Variants in GLYAT observed in about 807,000 individuals in gnomAD.
GLYAT encodes the protein glycine-N-acyltransferase.
In GLYAT, 25 loss-of-function variants were observed where a neutral mutation model predicts 22.8. That is an observed-to-expected ratio of 1.09 (90% CI 0.80 to 1.53). The LOEUF is 1.53. Among genes scored for constraint, GLYAT ranks in the 40% most tolerant of loss-of-function variants. The pLI is 0.00. For missense variants in GLYAT, 411 were observed against 353.9 expected (o/e 1.16, Z -1.29); for synonymous variants, 140 against 122.7 (o/e 1.14, Z -0.93).
intron 1 of GLYAT, among the ~76,000 whole-genome samples, chr11:58,726,231 CCTGA>C (rs1231177607): frequency 3.3e-5 from 5 of 152,086 alleles, no homozygotes; most frequent in Admixed American, 1.3e-4. Context: ...CCTACTCATG[CCTGA>C]CTATCTACCT....
At chr11:58,716,523 G>A (rs1856682513) in intron 2 of GLYAT, among the ~76,000 whole-genome samples, 1 of 152,064 alleles carries the variant, frequency 6.6e-6, no homozygotes, top group African/African-American at 2.4e-5. Context: ...ATTTAGTACA[G>A]TTTTGGCAAA....
At chr11:58,725,765 T>C in intron 1 of GLYAT, among the ~76,000 whole-genome samples, 1 of 152,218 alleles carries the variant, frequency 6.6e-6, no homozygotes, top group African/African-American at 2.4e-5. Context: ...TTGGACCTTT[T>C]GACTGAGTTT....
At chr11:58,720,812 G>A (rs1179530595) in intron 2 of GLYAT, among the ~76,000 whole-genome samples, 2 of 151,948 alleles carry the variant, frequency 1.3e-5, no homozygotes, top group Non-Finnish European at 2.9e-5. Context: ...ATAGTATTTG[G>A]CAGGGATAAG....
At chr11:58,728,694 A>G (rs1590675855) in intron 1 of GLYAT, 1 of 151,870 alleles carries the variant, frequency 6.6e-6, no homozygotes, top group Non-Finnish European at 1.5e-5. Flanking sequence ...AAGTTCAGGG[A>G]TATGGAATCT....
In GLYAT at chr11:58,709,198, TTTC is replaced by T. The variant is rs1339204947; in HGVS notation, c.*565_*567del. 1 of 152,276 alleles carries T rather than the reference TTTC, an allele frequency of 6.6e-6. No individual in the cohort carries two copies. Among genetic ancestry groups the T allele is most frequent in the Non-Finnish European group, 1.5e-5 (1 of 68,060 alleles). 9.4% of individuals were successfully genotyped at this position (152,276 alleles called of 1,614,324 possible). Reference sequence around the variant, plus strand: ...GAGGATAGGATATCATCAGTTGATATTTCTTCTAGTAACATTCCCTGCTATATC... The same window carrying T: ...GAGGATAGGATATCATCAGTTGATATTTCTAGTAACATTCCCTGCTATATC... On this transcript the variant is annotated 3_prime_UTR_variant, in exon 6 of 6. Coordinates refer to ENST00000344743, the MANE Select transcript of GLYAT (RefSeq NM_201648.3).
At chr11:58,710,204 G>A (rs376369879) in intron 5 of GLYAT, 36 bp from the exon 6 acceptor site, 4 of 1,569,070 alleles carry the variant, frequency 2.5e-6, no homozygotes, top group Non-Finnish European at 3.5e-6. Context: ...AAATCCATTA[G>A]TATAAAGGTT....
Position 58,712,858 on chromosome 11 carries a change from G to A in GLYAT, c.218C>T (p.Thr73Ile), listed in dbSNP as rs144761620. 3.9e-4 allele frequency: 630 copies of A among 1,605,254 alleles called. 2 individuals carry two copies. In the East Asian group the frequency reaches 0.013, roughly 34 times the overall value. Reference protein sequence around the residue: ...QDMTDDLDHYTNTYQIYSKDP... With the variant: ...QDMTDDLDHYINTYQIYSKDP... The stretch of plus-strand genomic sequence containing the variant: ...TTTGGAGTAGATTTGGTAAGTATTG[G>A]TATAGTGATCAAGGTCATCTGTCAT... The change falls in exon 4 of 6, where the codon ACC (threonine) becomes ATC (isoleucine). Residue 73 changes from threonine (T) to isoleucine (I), a missense_variant. Transcript: ENST00000344743.
chr11:58,716,957 T>G (rs1391424428), intron 2 of GLYAT, among the ~76,000 whole-genome samples: 1 of 152,114 alleles, frequency 6.6e-6, no homozygotes, highest in East Asian at 1.9e-4. Flanking sequence ...GGAAGAAGCT[T>G]TCAGGTCACA....
rs904739834 is a variant in GLYAT, at chr11:58,712,868, C to G, written c.208G>C (p.Asp70His). The G allele has an allele frequency of 3.1e-6, 5 of 1,603,072 alleles. No homozygotes were observed. The highest frequency in any genetic ancestry group is 1.1e-5 in the South Asian group (1 of 90,816). The stretch of plus-strand genomic sequence containing the variant: ...ATTTGGTAAGTATTGGTATAGTGAT[C>G]AAGGTCATCTGTCATATCCTGTTAT... Reference protein sequence around the residue: ...PQEQDMTDDLDHYTNTYQIYS... With the variant: ...PQEQDMTDDLHHYTNTYQIYS... The change falls in exon 4 of 6, where the codon GAT becomes CAT. Residue 70 changes from aspartate to histidine, a missense_variant. Coordinates refer to ENST00000344743, the MANE Select transcript of GLYAT (RefSeq NM_201648.3).
At chr11:58,711,240 AG>A (rs1457732350) in intron 4 of GLYAT, among the ~76,000 whole-genome samples, 1 of 152,138 alleles carries the variant, frequency 6.6e-6, no homozygotes, top group Non-Finnish European at 1.5e-5. Flanking sequence ...CTCTTTTAAA[AG>A]GTTTTAAGTT....
At position 58,712,772 on chromosome 11, in the gene GLYAT, A is replaced by C; in HGVS notation, c.304T>G (p.Leu102Val). ...SPELINWKQH[L>V]QIQSSQPSLN... is the part of the protein sequence containing the mutation. ...TCCTCTTACTTACTTTGAATCTGTA[A>C]ATGCTGTTTCCAGTTGATGAGTTCT... The change falls in exon 4 of 6, where the codon TTA (leucine) becomes GTA (valine). Residue 102 changes from leucine (L) to valine (V), a missense_variant. Coordinates refer to ENST00000344743, the MANE Select transcript of GLYAT (RefSeq NM_201648.3). 1 of 1,613,190 alleles carries C rather than the reference A, an allele frequency of 6.2e-7. No individual in the cohort carries two copies. The highest frequency in any genetic ancestry group is 8.5e-7 in the Non-Finnish European group (1 of 1,179,334).
At chr11:58,716,411 G>A (rs2134484808) in intron 2 of GLYAT, among the ~76,000 whole-genome samples, 1 of 152,018 alleles carries the variant, frequency 6.6e-6, no homozygotes, top group Non-Finnish European at 1.5e-5. Context: ...AAATACTGAT[G>A]TTAGACTAGG....
At chr11:58,722,613 TA>T (rs970116824) in intron 2 of GLYAT, among the ~76,000 whole-genome samples, 3 of 152,228 alleles carry the variant, frequency 2.0e-5, no homozygotes, top group African/African-American at 7.2e-5. Flanking sequence ...GGCAATCAGA[TA>T]TGCATCTATC....
intron 2 of GLYAT, among the ~76,000 whole-genome samples, chr11:58,720,795 A>G (rs1856739708): frequency 6.6e-6 from 1 of 152,036 alleles, no homozygotes; most frequent in Admixed American, 6.6e-5. Context: ...CCAAACATTG[A>G]CAACTTATAG....
At chr11:58,726,895 C>T (rs1249039625) in intron 1 of GLYAT, among the ~76,000 whole-genome samples, 6 of 152,050 alleles carry the variant, frequency 3.9e-5, no homozygotes, top group African/African-American at 1.4e-4. Flanking sequence ...TTTATTTGCC[C>T]TCGACATAAA....
In GLYAT at chr11:58,724,449, T is replaced by A. The variant is rs17850556; in HGVS notation, c.48A>T (p.Lys16Asn). The A allele has an allele frequency of 2.5e-6, 4 of 1,608,286 alleles. No individual in the cohort carries two copies. ...ATGCTGGGAGGCTCTTCCTCAAGGA[T>A]TTCTCCAGCATCTGCAGCATCTGGG... ...QGAQMLQMLE[K>N]SLRKSLPASL... The change falls in exon 2 of 6, where the codon AAA (lysine) becomes AAT (asparagine). Residue 16 changes from lysine (K) to asparagine (N), a missense_variant. By Grantham distance (94) the Lys-to-Asn change is moderately conservative. Transcript: ENST00000344743.
At chr11:58,721,029 A>C (rs1335407842) in intron 2 of GLYAT, among the ~76,000 whole-genome samples, 1 of 151,982 alleles carries the variant, frequency 6.6e-6, no homozygotes, top group Admixed American at 6.6e-5. Context: ...TAAGTCAATT[A>C]ATTAGAACAC....
chr11:58,718,635 A>C (rs1185964938), intron 2 of GLYAT, among the ~76,000 whole-genome samples: 1 of 151,952 alleles, frequency 6.6e-6, no homozygotes. Flanking sequence ...AAAAAGGTTT[A>C]AGGCAGCCAT....
At chr11:58,728,305 C>T (rs1395118062) in intron 1 of GLYAT, among the ~76,000 whole-genome samples, 2 of 152,032 alleles carry the variant, frequency 1.3e-5, no homozygotes, top group Non-Finnish European at 2.9e-5. Context: ...TTGTGATCTG[C>T]CCACCTGGGC....
Sources: allele counts gnomAD v4.1 joint callset (sites outside exome capture counted in the v4.1 genomes callset), GRCh38; gene constraint gnomAD v4.1.1; transcripts MANE v1.5; gene names NCBI Gene and HGNC (gene_info 2026-07-23, HGNC 2026-07-21).